The following CCDC134 variants were observed in gnomAD, a reference collection of about 807,000 sequenced individuals.
CCDC134 encodes coiled-coil domain-containing protein 134.
In CCDC134, 27 loss-of-function variants were observed where a neutral mutation model predicts 25.6. The observed-to-expected ratio is 1.05, with a 90% CI of 0.78 to 1.45. The LOEUF is 1.45. Among genes scored for constraint, CCDC134 ranks in the 40% most tolerant of loss-of-function variants. CCDC134 has a pLI of 0.00. For missense variants in CCDC134, 261 were observed against 286.7 expected (o/e 0.91, Z 0.65); for synonymous variants, 110 against 115.0 (o/e 0.96, Z 0.28).
In CCDC134 at chr22:41,831,551, T is replaced by G. The variant is rs2076710710; in HGVS notation, c.*5728T>G. The G allele has an allele frequency of 6.6e-6, 1 of 152,274 alleles. No individual in the cohort carries two copies. Among genetic ancestry groups the G allele is most frequent in the Non-Finnish European group, 1.5e-5 (1 of 68,050 alleles). 9.4% of individuals were successfully genotyped at this position (152,274 alleles called of 1,614,324 possible). On this transcript the variant is annotated 3_prime_UTR_variant, in exon 7 of 7. Transcript: ENST00000255784. The stretch of plus-strand genomic sequence containing the variant: ...GGCACTTACTGTATGCCAAAGCTTA[T>G]GCCGAGAGCTGGCTGCCAGCAGCTC...
intron 5 of CCDC134, 65 bp downstream of exon 5, chr22:41,813,510 C>T (rs2076607827): frequency 5.1e-6 from 8 of 1,565,644 alleles, no homozygotes; most frequent in Non-Finnish European, 7.0e-6. Context: ...ATCCTCACAT[C>T]TGCCTTCAGT....
At chr22:41,817,486 C>T (rs2076628189) in intron 6 of CCDC134, among the ~76,000 whole-genome samples, 1 of 151,988 alleles carries the variant, frequency 6.6e-6, no homozygotes, top group Admixed American at 6.6e-5. Context: ...GTAATCCCAG[C>T]ACTTAGGGAC....
chr22:41,829,775 CT>C lies in CCDC134; in HGVS notation c.*3960del, dbSNP rs140582057. On this transcript the variant is annotated 3_prime_UTR_variant, in exon 7 of 7. Coordinates refer to ENST00000255784, the MANE Select transcript of CCDC134 (RefSeq NM_024821.5). ...ATCCATCCCTTTTCTTTCTTTCTTT[CT>C]TTTTTTTCTTTTTTTTTGAGACAAG... 1.9e-3 allele frequency among the ~76,000 whole-genome samples: 295 copies of C among 151,928 alleles called. 9 individuals are homozygous for C. In the East Asian group the frequency reaches 0.055, roughly 28 times the overall value.
At chr22:41,802,740 C>G (rs2076549780) in intron 1 of CCDC134, among the ~76,000 whole-genome samples, 1 of 151,732 alleles carries the variant, frequency 6.6e-6, no homozygotes, top group African/African-American at 2.4e-5. Flanking sequence ...CGGTGAAACC[C>G]CATCTCAACT....
At chr22:41,814,982 G>A (rs1301541949) in intron 6 of CCDC134, among the ~76,000 whole-genome samples, 5 of 152,034 alleles carry the variant, frequency 3.3e-5, no homozygotes. Flanking sequence ...CGCAGCAAAT[G>A]TGCTCTTTGG....
At chr22:41,807,374 G>C (rs2076572979) in intron 1 of CCDC134, among the ~76,000 whole-genome samples, 1 of 152,014 alleles carries the variant, frequency 6.6e-6, no homozygotes, top group South Asian at 2.1e-4. Flanking sequence ...ACTAGCCTGG[G>C]CAATGTAGCA....
intron 1 of CCDC134, among the ~76,000 whole-genome samples, chr22:41,802,231 C>G (rs1188060426): frequency 6.6e-6 from 1 of 152,182 alleles, no homozygotes; most frequent in Non-Finnish European, 1.5e-5. Context: ...ACAAACGACT[C>G]TGTTTTGATT....
intron 1 of CCDC134, among the ~76,000 whole-genome samples, chr22:41,801,996 A>C (rs2076545899): frequency 6.6e-6 from 1 of 152,204 alleles, no homozygotes; most frequent in Admixed American, 6.6e-5. Context: ...CTGAGGTTGG[A>C]CAGGCAGTTG....
rs559172070 is a variant in CCDC134 at position 41,825,963 on chromosome 22, G to T, written c.*140G>T. 8.2e-7 allele frequency: 1 copy of T among 1,224,806 alleles called. No homozygotes were observed. The allele number at this position is 1,224,806 out of a possible 1,614,324, so 75.9% of individuals were successfully genotyped here. On this transcript the variant is annotated 3_prime_UTR_variant, in exon 7 of 7. Transcript: ENST00000255784. The surrounding 1 kb of genome is among the most constrained non-coding windows in gnomAD (Gnocchi z 4.4). ...ACATTTGCCCGGCCCCCTGGAGCTG[G>T]GTCTGAGCCCCAGCTGAAGGGACTG...
Position 41,828,096 on chromosome 22 carries a change from G to A in CCDC134, c.*2273G>A, listed in dbSNP as rs1366459897. ...GTTCTTTCTACTGAATAACTTCTAC[G>A]GGCTCTGTCATTAGCAGGATTTGTA... is the stretch of plus-strand genomic sequence containing the variant. On this transcript the variant is annotated 3_prime_UTR_variant, in exon 7 of 7. Coordinates refer to ENST00000255784, the MANE Select transcript of CCDC134 (RefSeq NM_024821.5). 2.6e-5 allele frequency among the ~76,000 whole-genome samples: 4 copies of A among 152,154 alleles called. No individual in the cohort carries two copies. Among genetic ancestry groups the A allele is most frequent in the Non-Finnish European group, 4.4e-5 (3 of 68,016 alleles).
At position 41,829,434 on chromosome 22, in the gene CCDC134, C is replaced by T. The variant is rs531007785; in HGVS notation, c.*3611C>T. Among the ~76,000 whole-genome samples, 10 of 152,314 alleles carry T rather than the reference C, an allele frequency of 6.6e-5. No homozygotes were observed. In the South Asian group the frequency reaches 1.0e-3, roughly 16 times the overall value. Reference sequence around the variant, plus strand: ...AAGACCTAAAAGCTGAATACTCGCCCGGTTACTACCTGATAATTCTCATCG... The same window carrying T: ...AAGACCTAAAAGCTGAATACTCGCCTGGTTACTACCTGATAATTCTCATCG... On this transcript the variant is annotated 3_prime_UTR_variant, in exon 7 of 7. Transcript: ENST00000255784.
chr22:41,823,130 T>G (rs1350725206), intron 6 of CCDC134, among the ~76,000 whole-genome samples: 2 of 152,180 alleles, frequency 1.3e-5, no homozygotes, highest in Non-Finnish European at 2.9e-5. Context: ...AGTGAATCTA[T>G]GTATTACAAA....
At position 41,825,623 on chromosome 22, in the gene CCDC134, C is replaced by T; in HGVS notation, c.565-75C>T. The stretch of plus-strand genomic sequence containing the variant: ...CCAGGGAACCTTCCTATTCCCACAC[C>T]CCGCTGGTGGCCTAGCTCAGAGCAG... On this transcript the variant is annotated intron_variant, in intron 6 of 6. Transcript: ENST00000255784. The surrounding 1 kb of genome is among the most constrained non-coding windows in gnomAD (Gnocchi z 4.4). 1 of 1,583,968 alleles carries T rather than the reference C, an allele frequency of 6.3e-7. No individual in the cohort carries two copies. The highest frequency in any genetic ancestry group is 8.6e-7 in the Non-Finnish European group (1 of 1,162,208).
At chr22:41,823,426 A>G (rs766274413) in intron 6 of CCDC134, among the ~76,000 whole-genome samples, 1 of 152,040 alleles carries the variant, frequency 6.6e-6, no homozygotes, top group African/African-American at 2.4e-5. Context: ...AGGTTTCGCT[A>G]TGTTGACCAG....
chr22:41,815,074 C>G (rs934744431), intron 6 of CCDC134, among the ~76,000 whole-genome samples: 16 of 151,944 alleles, frequency 1.1e-4, no homozygotes, highest in Admixed American at 1.0e-3. Context: ...GTGGTTAGGG[C>G]TTTGTATCTT....
At chr22:41,807,002 C>G (rs918257536) in intron 1 of CCDC134, among the ~76,000 whole-genome samples, 16 of 152,070 alleles carry the variant, frequency 1.1e-4, no homozygotes, top group Non-Finnish European at 2.9e-5. Context: ...GAGCCGAGAT[C>G]GTGCCATTGC....
At chr22:41,819,178 T>C (rs1478741726) in intron 6 of CCDC134, among the ~76,000 whole-genome samples, 2 of 152,068 alleles carry the variant, frequency 1.3e-5, no homozygotes, top group Non-Finnish European at 2.9e-5. Flanking sequence ...CTGGTGAGAG[T>C]TCTGAGTTCT....
chr22:41,829,062 A>G lies in CCDC134; in HGVS notation c.*3239A>G, dbSNP rs1375545339. On this transcript the variant is annotated 3_prime_UTR_variant, in exon 7 of 7. Transcript: ENST00000255784. ...CCTGTGTGTTGTAGGCTATTTTAGCAGCATCCCGGCCTCTCCCTGCCAGGT... is the reference window on the plus strand; with the variant it reads ...CCTGTGTGTTGTAGGCTATTTTAGCGGCATCCCGGCCTCTCCCTGCCAGGT... 6.6e-6 allele frequency among the ~76,000 whole-genome samples: 1 copy of G among 152,318 alleles called. No homozygotes were observed. The highest frequency in any genetic ancestry group is 1.9e-4 in the East Asian group (1 of 5,188).
At chr22:41,812,273 G>C (rs1470128371) in intron 4 of CCDC134, among the ~76,000 whole-genome samples, 1 of 151,910 alleles carries the variant, frequency 6.6e-6, no homozygotes, top group Non-Finnish European at 1.5e-5. Context: ...ATATAAAAAA[G>C]TAGCCGGGTG....
Sources: gnomAD v4.1 joint callset for allele counts (sites outside exome capture counted in the v4.1 genomes callset) on GRCh38, gnomAD v4.1.1 for gene constraint, Gnocchi (gnomAD v3.1) non-coding constraint, MANE v1.5 for transcripts, NCBI Gene and HGNC (gene_info 2026-07-23, HGNC 2026-07-21) for gene names.